GABRR3: variants seen among roughly 807,000 people sequenced by gnomAD.
GABRR3 encodes gamma-aminobutyric acid receptor subunit rho-3.
In GABRR3, 29 loss-of-function variants were observed where a neutral mutation model predicts 43.2. The observed-to-expected ratio is 0.67, with a 90% CI of 0.50 to 0.92. The LOEUF (loss-of-function observed/expected upper bound fraction) is 0.92. Ranked by LOEUF, GABRR3 falls within the 40% of genes least tolerant of loss-of-function variation. GABRR3 has a pLI of 0.00. For synonymous variants in GABRR3, 206 were observed against 195.9 expected (o/e 1.05, Z -0.43); for missense variants, 576 against 572.3 (o/e 1.01, Z -0.07).
At position 97,992,234 on chromosome 3, in the gene GABRR3, C is replaced by T. The variant is rs543787150; in HGVS notation, c.1104+618G>A. Among the ~76,000 whole-genome samples, 3 of 152,184 alleles carry T rather than the reference C, an allele frequency of 2.0e-5. No individual in the cohort carries two copies. The South Asian group carries it at 6.2e-4, about 32-fold the overall frequency. On this transcript the variant is annotated intron_variant, in intron 9 of 9. Coordinates refer to ENST00000621172, the Ensembl canonical transcript of GABRR3. ...ACCTCCCTTTATGCTCTACCACTCT[C>T]CCGAGTGACAAGAAGAGATATATAA...
chr3:97,997,156 A>G (rs1706572121), intron 8 of GABRR3, among the ~76,000 whole-genome samples: 2 of 152,214 alleles, frequency 1.3e-5, no homozygotes, highest in Admixed American at 6.5e-5. Flanking sequence ...GGAGATACAG[A>G]AAATGCCACG....
chr3:98,015,297 A>G (rs1014619942), intron 4 of GABRR3, among the ~76,000 whole-genome samples: 1 of 152,118 alleles, frequency 6.6e-6, no homozygotes, highest in African/African-American at 2.4e-5. Context: ...GGTTCAAGTT[A>G]TTTTCCTGCC....
At chr3:98,030,236 A>G (rs1341546014) in intron 2 of GABRR3, among the ~76,000 whole-genome samples, 2 of 152,152 alleles carry the variant, frequency 1.3e-5, no homozygotes, top group Non-Finnish European at 2.9e-5. Flanking sequence ...TGCTTTACTC[A>G]ATTATACAAT....
chr3:98,034,804 A>C, intron 2 of GABRR3, 59 bp downstream of exon 2: 2 of 1,598,930 alleles, frequency 1.3e-6, no homozygotes, highest in Admixed American at 1.7e-5. Flanking sequence ...TGTAGGTCTG[A>C]GACAACTGTT....
chr3:98,032,007 C>T (rs181192796), intron 2 of GABRR3, among the ~76,000 whole-genome samples: 8 of 152,034 alleles, frequency 5.3e-5, no homozygotes, highest in Non-Finnish European at 1.0e-4. Flanking sequence ...GTAAATACTT[C>T]CACCATGGCT....
intron 9 of GABRR3, among the ~76,000 whole-genome samples, chr3:97,988,813 G>T (rs1706421087): frequency 2.6e-5 from 4 of 151,666 alleles, no homozygotes; most frequent in Admixed American, 2.6e-4. Flanking sequence ...GTCATGGTGG[G>T]TGGCGGTAAG....
chr3:97,985,782 A>G (rs1706376857), downstream of GABRR3, among the ~76,000 whole-genome samples: 2 of 152,122 alleles, frequency 1.3e-5, no homozygotes, highest in Admixed American at 1.3e-4. Flanking sequence ...TTAGAATGAG[A>G]AGAATAAGTG....
chr3:98,003,416 C>CCT (rs1553718435), intron 7 of GABRR3, among the ~76,000 whole-genome samples: 2 of 133,524 alleles, frequency 1.5e-5, no homozygotes, highest in African/African-American at 5.6e-5. Context: ...AACAGTTGTC[C>CCT]TTTTTTTTTT....
intron 2 of GABRR3, among the ~76,000 whole-genome samples, chr3:98,030,114 G>GAAAA (rs35867090): frequency 4.4e-4 from 62 of 139,976 alleles, no homozygotes; most frequent in African/African-American, 1.6e-3. Flanking sequence ...GACTGTCTTG[G>GAAAA]AAAAAAAAAA....
At chr3:98,015,493 G>T (rs1307127564) in intron 4 of GABRR3, among the ~76,000 whole-genome samples, 1 of 152,132 alleles carries the variant, frequency 6.6e-6, no homozygotes, top group Non-Finnish European at 1.5e-5. Flanking sequence ...ACTGCTCTTG[G>T]CCCAAACATT....
At chr3:98,016,001 G>C (rs1419328901) in intron 4 of GABRR3, among the ~76,000 whole-genome samples, 2 of 152,178 alleles carry the variant, frequency 1.3e-5, no homozygotes, top group African/African-American at 2.4e-5. Context: ...AGAAGGCAAA[G>C]GGGAAGAAAG....
At chr3:97,988,756 T>C (rs1482674884) in intron 9 of GABRR3, among the ~76,000 whole-genome samples, 1 of 150,978 alleles carries the variant, frequency 6.6e-6, no homozygotes, top group Non-Finnish European at 1.5e-5. Context: ...CTGGTGGTGA[T>C]GGTAGATGGT....
At chr3:98,017,680 A>G in exon 4 of GABRR3, 1 of 1,611,240 alleles carries the variant, frequency 6.2e-7, no homozygotes, top group South Asian at 1.1e-5. Context: ...AATGCTGTCA[A>G]TGCTTTCAAC....
At chr3:98,012,298 T>C (rs1448470152) in intron 5 of GABRR3, 46 bp downstream of exon 5, 3 of 1,406,518 alleles carry the variant, frequency 2.1e-6, no homozygotes, top group Admixed American at 1.8e-5. Flanking sequence ...TTGGTGCAGA[T>C]GGCTGCAGTA....
intron 2 of GABRR3, among the ~76,000 whole-genome samples, chr3:98,026,500 T>TCAC (rs1707017492): frequency 6.6e-6 from 1 of 152,098 alleles, no homozygotes; most frequent in Non-Finnish European, 1.5e-5. Context: ...ACTGTGGGTG[T>TCAC]GGAGGGGAAA....
At chr3:98,003,250 A>G (rs1014604694) in intron 7 of GABRR3, among the ~76,000 whole-genome samples, 1 of 152,130 alleles carries the variant, frequency 6.6e-6, no homozygotes, top group Non-Finnish European at 1.5e-5. Context: ...TGACCTTACA[A>G]CTTTATATAA....
chr3:98,007,212 A>C (rs901533375), intron 7 of GABRR3, among the ~76,000 whole-genome samples: 3 of 151,984 alleles, frequency 2.0e-5, no homozygotes, highest in Non-Finnish European at 2.9e-5. Flanking sequence ...ACTGTTTGAG[A>C]AGCTATTTGA....
At chr3:97,995,651 G>C (rs780719781) in intron 8 of GABRR3, among the ~76,000 whole-genome samples, 6 of 151,852 alleles carry the variant, frequency 4.0e-5, no homozygotes, top group Non-Finnish European at 8.8e-5. Flanking sequence ...TGTTGGGTAG[G>C]GGGAGTGAAT....
intron 2 of GABRR3, among the ~76,000 whole-genome samples, chr3:98,029,200 T>G (rs1055012843): frequency 1.7e-4 from 26 of 152,116 alleles, no homozygotes; most frequent in African/African-American, 4.8e-4. Context: ...TCCCACAAAG[T>G]ATTATGAAGA....
Sources: allele counts gnomAD v4.1 joint callset (sites outside exome capture counted in the v4.1 genomes callset), GRCh38; gene constraint gnomAD v4.1.1; transcripts MANE v1.5; gene names NCBI Gene and HGNC (gene_info 2026-07-23, HGNC 2026-07-21).